PTPRD: variants seen among roughly 807,000 people sequenced by gnomAD.
PTPRD encodes protein tyrosine phosphatase receptor type D, also known as receptor-type tyrosine-protein phosphatase delta.
A neutral mutation model predicts 214.5 loss-of-function variants in PTPRD; 34 were observed. The ratio of observed to expected loss-of-function variants is 0.16; its 90% confidence interval spans 0.12 to 0.21. The LOEUF (loss-of-function observed/expected upper bound fraction) is 0.21, where lower values mean the gene tolerates loss of function less well. PTPRD is among the 10% of genes least tolerant of loss of function. PTPRD has a pLI of 1.00. For missense variants in PTPRD, 2,545 were observed against 2,398.7 expected, an observed-to-expected ratio of 1.06 and a Z score of -1.27; for synonymous variants, 1,128 against 845.7, an observed-to-expected ratio of 1.33 and a Z score of -5.79.
intron 5 of PTPRD, among the ~76,000 whole-genome samples, chr9:9,791,905 T>A (rs2098970144): frequency 6.6e-6 from 1 of 152,186 alleles, no homozygotes; most frequent in South Asian, 2.1e-4. Context: ...TATTTTAAAA[T>A]GCATCTTGAT....
intron 7 of PTPRD, among the ~76,000 whole-genome samples, chr9:9,671,150 G>C (rs2096825361): frequency 6.6e-6 from 1 of 152,138 alleles, no homozygotes. Context: ...ACCATGGGAA[G>C]CCACCTCTTG....
chr9:8,746,668 A>G (rs1431194618), intron 11 of PTPRD, among the ~76,000 whole-genome samples: 1 of 152,238 alleles, frequency 6.6e-6, no homozygotes, highest in Admixed American at 6.5e-5. Context: ...AAACTAAAAG[A>G]AAAGAAAATG....
chr9:8,627,182 C>T (rs961768458), intron 14 of PTPRD, among the ~76,000 whole-genome samples: 4 of 151,802 alleles, frequency 2.6e-5, no homozygotes, highest in African/African-American at 9.7e-5. Context: ...TCCCATCATG[C>T]TCATCTGTCG....
intron 14 of PTPRD, among the ~76,000 whole-genome samples, chr9:8,584,529 T>A (rs2093475481): frequency 6.6e-6 from 1 of 152,198 alleles, no homozygotes; most frequent in Non-Finnish European, 1.5e-5. Flanking sequence ...GGCATTCTGG[T>A]ATTCAGCAAA....
intron 3 of PTPRD, among the ~76,000 whole-genome samples, chr9:10,220,382 C>A (rs1368153294): frequency 1.3e-5 from 2 of 151,810 alleles, no homozygotes; most frequent in African/African-American, 4.8e-5. Context: ...AAACTGAGAA[C>A]CAAATACTTT....
intron 5 of PTPRD, among the ~76,000 whole-genome samples, chr9:9,769,924 GC>G (rs1429929177): frequency 1.3e-5 from 2 of 152,052 alleles, no homozygotes; most frequent in East Asian, 3.9e-4. Context: ...CCATGTCCCT[GC>G]AAAGGACATG....
intron 2 of PTPRD, among the ~76,000 whole-genome samples, chr9:10,584,024 T>C (rs2073033517): frequency 6.6e-6 from 1 of 152,108 alleles, no homozygotes; most frequent in Non-Finnish European, 1.5e-5. Context: ...TTTCCTCTGT[T>C]AGTGAATTGT....
intron 11 of PTPRD, among the ~76,000 whole-genome samples, chr9:8,945,227 T>A (rs2099056506): frequency 6.6e-6 from 1 of 152,022 alleles, no homozygotes; most frequent in Admixed American, 6.6e-5. Context: ...GTAACTTAAT[T>A]ATGATGGAAC....
intron 2 of PTPRD, among the ~76,000 whole-genome samples, chr9:10,595,895 A>G (rs573197860): frequency 3.8e-4 from 57 of 151,974 alleles, no homozygotes; most frequent in Middle Eastern, 3.4e-3. Flanking sequence ...TGTCAAGTGT[A>G]TATCAAAGAC....
intron 2 of PTPRD, among the ~76,000 whole-genome samples, chr9:10,526,991 C>T (rs2054494827): frequency 6.6e-6 from 1 of 152,108 alleles, no homozygotes; most frequent in African/African-American, 2.4e-5. Flanking sequence ...TCTTATTCCT[C>T]TTAGCCTGCT....
rs80179901 is a variant in PTPRD at position 10,247,020 on chromosome 9, G to A, written c.-545+93943C>T. 8.3e-4 allele frequency among the ~76,000 whole-genome samples: 127 copies of A among 152,198 alleles called. No homozygotes were observed. In the East Asian group the frequency reaches 0.02, roughly 24 times the overall value. ...CACAAACTAAATACTCACTAACTTTGTTTAAAAATACAGAATTGCTATAGG... is the reference window on the plus strand; with the variant it reads ...CACAAACTAAATACTCACTAACTTTATTTAAAAATACAGAATTGCTATAGG... On this transcript the variant is annotated intron_variant, in intron 3 of 45. Transcript: ENST00000381196.
At chr9:8,324,131 G>A (rs1294835102) in intron 44 of PTPRD, among the ~76,000 whole-genome samples, 3 of 149,474 alleles carry the variant, frequency 2.0e-5, no homozygotes, top group African/African-American at 7.4e-5. Context: ...TTTAAGTTCT[G>A]GGGTAGATGA....
At chr9:10,432,791 C>T (rs619643) in intron 2 of PTPRD, among the ~76,000 whole-genome samples, 2,675 of 152,096 alleles carry the variant, frequency 0.018, 74 homozygotes, top group African/African-American at 0.06. Context: ...TCTTCACTCA[C>T]ATCTCCTTTC....
chr9:9,283,243 T>C (rs1948352217), intron 9 of PTPRD, among the ~76,000 whole-genome samples: 2 of 151,490 alleles, frequency 1.3e-5, no homozygotes, highest in South Asian at 4.1e-4. Flanking sequence ...TTATGCTAAT[T>C]TTACTTCCAA....
intron 2 of PTPRD, among the ~76,000 whole-genome samples, chr9:10,387,441 G>A (rs1311571156): frequency 2.0e-5 from 3 of 151,844 alleles, no homozygotes; most frequent in Non-Finnish European, 4.4e-5. Context: ...AGAAGGCATA[G>A]GTCTCCTCAT....
At chr9:8,618,152 A>G (rs139406656) in intron 14 of PTPRD, among the ~76,000 whole-genome samples, 135 of 152,244 alleles carry the variant, frequency 8.9e-4, no homozygotes, top group African/African-American at 3.2e-3. Context: ...TTCCTCAACA[A>G]TAAGACCTGT....
chr9:9,955,521 G>GTTTTTTTTTTTTT (rs1194987444), intron 4 of PTPRD, among the ~76,000 whole-genome samples: 12 of 145,546 alleles, frequency 8.2e-5, no homozygotes, highest in African/African-American at 3.1e-4. Context: ...GTTTTGTTTT[G>GTTTTTTTTTTTTT]TTTTGTTTTT....
chr9:9,641,830 G>C (rs1422911614), intron 7 of PTPRD, among the ~76,000 whole-genome samples: 1 of 152,148 alleles, frequency 6.6e-6, no homozygotes, highest in Non-Finnish European at 1.5e-5. Flanking sequence ...GAGACAAGAT[G>C]AGGGTAATCA....
intron 35 of PTPRD, among the ~76,000 whole-genome samples, chr9:8,416,146 T>C (rs1416426908): frequency 2.0e-5 from 3 of 152,136 alleles, no homozygotes; most frequent in Non-Finnish European, 4.4e-5. Context: ...GAAATAGCCT[T>C]AATATAATAG....
Sources: gnomAD v4.1 joint callset for allele counts (sites outside exome capture counted in the v4.1 genomes callset) on GRCh38, gnomAD v4.1.1 for gene constraint, MANE v1.5 for transcripts, NCBI Gene and HGNC (gene_info 2026-07-23, HGNC 2026-07-21) for gene names.